The following ELMO2 variants were observed in gnomAD, a reference collection of about 807,000 sequenced individuals.
The protein encoded by ELMO2 is engulfment and cell motility 2, also known as engulfment and cell motility protein 2.
ELMO2 carries 37 observed loss-of-function variants against 96.2 expected under a neutral mutation model. The ratio of observed to expected loss-of-function variants is 0.38; its 90% confidence interval spans 0.30 to 0.51. The LOEUF is 0.51. ELMO2 is among the 20% of genes least tolerant of loss of function. The probability of loss-of-function intolerance (pLI) is 0.88; values close to 1 mark genes in which losing one functional copy is unlikely to be tolerated. For missense variants in ELMO2, 561 were observed against 912.6 expected, an observed-to-expected ratio of 0.61 and a Z score of 4.96; for synonymous variants, 315 against 329.4, an observed-to-expected ratio of 0.96 and a Z score of 0.47.
chr20:46,388,225 T>G (rs1364347211), intron 7 of ELMO2, among the ~76,000 whole-genome samples: 1 of 152,196 alleles, frequency 6.6e-6, no homozygotes, highest in East Asian at 1.9e-4. Context: ...CCCTGTACCC[T>G]TGGGAGACTG....
intron 3 of ELMO2, 118 bp downstream of exon 3, chr20:46,394,287 C>T (rs2060207470): frequency 7.8e-7 from 1 of 1,285,548 alleles, no homozygotes; most frequent in Middle Eastern, 1.9e-4. Flanking sequence ...AAAGCTTAGC[C>T]TTCCTGTTGC....
chr20:46,373,229 A>G, intron 16 of ELMO2, 170 bp downstream of exon 16: 3 of 802,820 alleles, frequency 3.7e-6, no homozygotes, highest in Non-Finnish European at 5.7e-6. Flanking sequence ...TCACAGAGGG[A>G]GCAACAACCA....
At chr20:46,377,536 T>G (rs2059884297) in intron 11 of ELMO2, among the ~76,000 whole-genome samples, 1 of 152,204 alleles carries the variant, frequency 6.6e-6, no homozygotes, top group African/African-American at 2.4e-5. Context: ...ATACGGATAT[T>G]TAAATTTAAA....
In ELMO2 at chr20:46,383,511, A is replaced by T. The variant is rs1225153323; in HGVS notation, c.678-17T>A. 1 of 1,608,400 alleles carries T rather than the reference A, an allele frequency of 6.2e-7. No homozygotes were observed. Among genetic ancestry groups the T allele is most frequent in the South Asian group, 1.1e-5 (1 of 90,954 alleles). ...TGGTTGGAGCTGTGTCAATGGAGAA[A>T]GAAGAGAGAGGGAGATTAGAAGACT... On this transcript the variant is annotated splice_polypyrimidine_tract_variant and intron_variant, in intron 9 of 21. Coordinates refer to ENST00000290246, the MANE Select transcript of ELMO2 (RefSeq NM_133171.5).
intron 6 of ELMO2, 101 bp from the exon 7 acceptor site, chr20:46,389,321 G>A: frequency 8.0e-7 from 1 of 1,244,848 alleles, no homozygotes; most frequent in Non-Finnish European, 1.1e-6. Context: ...CCAAACCTGA[G>A]GCAGAACTAG....
chr20:46,380,781 T>C (rs1232184115), intron 10 of ELMO2, among the ~76,000 whole-genome samples: 1 of 152,218 alleles, frequency 6.6e-6, no homozygotes, highest in Non-Finnish European at 1.5e-5. Flanking sequence ...GGCTGGGGTC[T>C]GGACGCTCTA....
chr20:46,389,699 A>G (rs1276937982), intron 6 of ELMO2, among the ~76,000 whole-genome samples: 1 of 152,136 alleles, frequency 6.6e-6, no homozygotes, highest in Non-Finnish European at 1.5e-5. Flanking sequence ...ATTTTTTAAA[A>G]TGAGCCAGGT....
At chr20:46,369,934 C>A in intron 20 of ELMO2, 1 of 245,786 alleles carries the variant, frequency 4.1e-6, no homozygotes, top group South Asian at 4.3e-5. Flanking sequence ...CAGTCTTAGA[C>A]TCTGGTTTAG....
At chr20:46,380,405 TCTTA>T in intron 10 of ELMO2, 102 bp from the exon 11 acceptor site, 1 of 980,654 alleles carries the variant, frequency 1.0e-6, no homozygotes, top group East Asian at 2.4e-5. Context: ...TTTTTTGCTT[TCTTA>T]AATTTTTTTC....
At position 46,371,184 on chromosome 20, in the gene ELMO2, C is replaced by A. The variant is rs1233230950; in HGVS notation, c.1801+168G>T. 1.3e-5 allele frequency among the ~76,000 whole-genome samples: 2 copies of A among 152,172 alleles called. No homozygotes were observed. Among genetic ancestry groups the A allele is most frequent in the African/African-American group, 4.8e-5 (2 of 41,434 alleles). ...CCTGTGAACTCATTGTTTCTCCAAA[C>A]CACCCCACCGAGTAGGCCAGGTAGA... On this transcript the variant is annotated intron_variant, in intron 19 of 21. Coordinates refer to ENST00000290246, the MANE Select transcript of ELMO2 (RefSeq NM_133171.5). The surrounding 1 kb of genome is among the most constrained non-coding windows in gnomAD (Gnocchi z 5.9).
At chr20:46,384,384 CATGGT>C (rs2060006365) in intron 9 of ELMO2, among the ~76,000 whole-genome samples, 1 of 152,140 alleles carries the variant, frequency 6.6e-6, no homozygotes, top group Admixed American at 6.5e-5. Context: ...TGGTTAGTCA[CATGGT>C]ACCCAGGGAG....
At chr20:46,376,995 C>CA (rs1184896107) in intron 11 of ELMO2, 1 of 362,470 alleles carries the variant, frequency 2.8e-6, no homozygotes, top group East Asian at 7.6e-5. Flanking sequence ...CTTCCATTAA[C>CA]AGAGTTCTAC....
At chr20:46,383,228 T>G (rs1427760425) in intron 10 of ELMO2, among the ~76,000 whole-genome samples, 188 bp downstream of exon 10, 3 of 152,146 alleles carry the variant, frequency 2.0e-5, no homozygotes, top group Non-Finnish European at 2.9e-5. Flanking sequence ...CCCAGCTGGT[T>G]TCCCCTCATA....
chr20:46,378,138 T>C (rs984784894), intron 11 of ELMO2, among the ~76,000 whole-genome samples: 3 of 152,226 alleles, frequency 2.0e-5, no homozygotes, highest in Non-Finnish European at 4.4e-5. Flanking sequence ...GGAAGGTAAT[T>C]AATTATCCTA....
At position 46,371,783 on chromosome 20, in the gene ELMO2, G is replaced by A; in HGVS notation, c.1580+23C>T. 6.2e-7 allele frequency: 1 copy of A among 1,613,806 alleles called. No individual in the cohort carries two copies. The highest frequency in any genetic ancestry group is 1.1e-5 in the South Asian group (1 of 91,074). The stretch of plus-strand genomic sequence containing the variant: ...GAGCTGGCAGCCACCTCCCCCGCCA[G>A]CCTCCCCTGAGATGGAACTTACACA... On this transcript the variant is annotated intron_variant, in intron 17 of 21. Transcript: ENST00000290246. The surrounding 1 kb of genome is among the most constrained non-coding windows in gnomAD (Gnocchi z 5.9).
At chr20:46,384,090 TATATA>T (rs2060001152) in intron 9 of ELMO2, among the ~76,000 whole-genome samples, 1 of 152,204 alleles carries the variant, frequency 6.6e-6, no homozygotes, top group South Asian at 2.1e-4. Flanking sequence ...ACACATAGTA[TATATA>T]ATGAGATCCC....
Position 46,389,023 on chromosome 20 carries a change from C to G in ELMO2, c.425+16G>C. On this transcript the variant is annotated intron_variant, in intron 7 of 21. Coordinates refer to ENST00000290246, the MANE Select transcript of ELMO2 (RefSeq NM_133171.5). The stretch of plus-strand genomic sequence containing the variant: ...AATCGTCGAAGTCCTTGGAACGAGA[C>G]CTTAGTCATACTCACTGGGACAAGA... 6.2e-7 allele frequency: 1 copy of G among 1,608,838 alleles called. No homozygotes were observed. Among genetic ancestry groups the G allele is most frequent in the East Asian group, 2.2e-5 (1 of 44,740 alleles).
intron 1 of ELMO2, among the ~76,000 whole-genome samples, chr20:46,404,309 A>G (rs1189546114): frequency 1.3e-5 from 2 of 152,200 alleles, no homozygotes; most frequent in African/African-American, 4.8e-5. Context: ...GTACTGCTAC[A>G]TCTGGACACA....
intron 6 of ELMO2, among the ~76,000 whole-genome samples, 159 bp downstream of exon 6, chr20:46,392,934 G>A (rs2060177278): frequency 6.6e-6 from 1 of 152,146 alleles, no homozygotes; most frequent in Non-Finnish European, 1.5e-5. Flanking sequence ...TAGGTGGTGA[G>A]AACCAAGACA....
Sources: allele counts gnomAD v4.1 joint callset (sites outside exome capture counted in the v4.1 genomes callset), GRCh38; gene constraint gnomAD v4.1.1; non-coding constraint Gnocchi (gnomAD v3.1); transcripts MANE v1.5; gene names NCBI Gene and HGNC (gene_info 2026-07-23, HGNC 2026-07-21).